The following ASTN2 variants were observed in gnomAD, a reference collection of about 807,000 sequenced individuals.
ASTN2 encodes astrotactin-2.
ASTN2 carries 54 observed loss-of-function variants against 139.8 expected under a neutral mutation model. The observed-to-expected ratio is 0.39, with a 90% CI of 0.31 to 0.48. The LOEUF (loss-of-function observed/expected upper bound fraction) is 0.48, where lower values mean the gene tolerates loss of function less well. ASTN2 is among the 20% of genes least tolerant of loss of function. The pLI, the probability that ASTN2 is intolerant of heterozygous loss-of-function variation, is 0.95. For synonymous variants in ASTN2, 756 were observed against 719.5 expected, an observed-to-expected ratio of 1.05 and a Z score of -0.81; for missense variants, 1,565 against 1,725.1, an observed-to-expected ratio of 0.91 and a Z score of 1.64.
chr9:116,671,492 G>A, intron 16 of ASTN2, among the ~76,000 whole-genome samples: 1 of 151,978 alleles, frequency 6.6e-6, no homozygotes, highest in African/African-American at 2.4e-5. Context: ...AAGAAAAAGG[G>A]ATGAAGAGAG....
chr9:116,801,585 C>CAAAA (rs397893932), intron 13 of ASTN2, among the ~76,000 whole-genome samples: 431 of 60,336 alleles, frequency 7.1e-3, no homozygotes, highest in Non-Finnish European at 9.3e-3. Context: ...GGCTCTGTCT[C>CAAAA]AAAAAAAAAA....
chr9:116,901,441 T>G (rs1427215876), intron 10 of ASTN2, among the ~76,000 whole-genome samples: 2 of 152,098 alleles, frequency 1.3e-5, no homozygotes, highest in Non-Finnish European at 2.9e-5. Flanking sequence ...TGCCTGAGTT[T>G]AAGAGGTTGA....
chr9:116,937,245 C>A (rs1835106698), intron 10 of ASTN2, among the ~76,000 whole-genome samples: 1 of 152,154 alleles, frequency 6.6e-6, no homozygotes, highest in South Asian at 2.1e-4. Flanking sequence ...ATCTAAGAGG[C>A]TCTTCATGGT....
At chr9:117,052,072 T>TAAA (rs1439434954) in intron 5 of ASTN2, among the ~76,000 whole-genome samples, 4 of 152,136 alleles carry the variant, frequency 2.6e-5, no homozygotes, top group African/African-American at 9.7e-5. Context: ...TGTCATGCTT[T>TAAA]GGTTGACCTT....
intron 6 of ASTN2, among the ~76,000 whole-genome samples, chr9:117,034,489 C>G (rs971782722): frequency 6.6e-6 from 1 of 152,086 alleles, no homozygotes; most frequent in Non-Finnish European, 1.5e-5. Context: ...TGGAGGAAAC[C>G]AAAGACCCTT....
At chr9:116,964,552 A>G (rs1288688956) in intron 10 of ASTN2, among the ~76,000 whole-genome samples, 2 of 152,186 alleles carry the variant, frequency 1.3e-5, no homozygotes, top group Non-Finnish European at 2.9e-5. Context: ...GGTAGATTCC[A>G]TCACTCAGGA....
intron 1 of ASTN2, among the ~76,000 whole-genome samples, chr9:117,385,474 A>C (rs1395477549): frequency 6.6e-6 from 1 of 152,162 alleles, no homozygotes; most frequent in African/African-American, 2.4e-5. Flanking sequence ...GGGGAGGGGA[A>C]GGCTAGGTGG....
intron 1 of ASTN2, among the ~76,000 whole-genome samples, chr9:117,330,148 G>A (rs1313410643): frequency 6.6e-6 from 1 of 152,152 alleles, no homozygotes; most frequent in Non-Finnish European, 1.5e-5. Context: ...GGGCTGGAGT[G>A]CCTGAAGAAG....
At chr9:116,728,293 A>G (rs7028544) in intron 15 of ASTN2, among the ~76,000 whole-genome samples, 50,212 of 152,030 alleles carry the variant, frequency 0.33, 9,244 homozygotes, top group East Asian at 0.5. Context: ...ATGTCTTGAT[A>G]TAGATATTTA....
chr9:116,630,145 T>G (rs73528746), intron 17 of ASTN2, among the ~76,000 whole-genome samples: 4,467 of 152,290 alleles, frequency 0.029, 204 homozygotes, highest in African/African-American at 0.1. Flanking sequence ...AGCAACACCA[T>G]GAATTTGATA....
At chr9:116,986,495 T>C (rs538085200) in intron 7 of ASTN2, among the ~76,000 whole-genome samples, 3 of 152,198 alleles carry the variant, frequency 2.0e-5, no homozygotes, top group African/African-American at 7.2e-5. Context: ...GCAGGAGGTA[T>C]AGGAGCCTGA....
At chr9:117,220,308 G>C (rs73535204) in intron 2 of ASTN2, among the ~76,000 whole-genome samples, 26,318 of 151,804 alleles carry the variant, frequency 0.17, 2,603 homozygotes, top group South Asian at 0.27. Flanking sequence ...CTCCCCACAA[G>C]CCTCACCTGT....
chr9:117,383,551 G>A (rs1210746401), intron 1 of ASTN2, among the ~76,000 whole-genome samples: 1 of 152,046 alleles, frequency 6.6e-6, no homozygotes, highest in African/African-American at 2.4e-5. Context: ...CTGGGGGTGG[G>A]GAGAATGGCT....
chr9:116,496,852 A>T (rs1357895344), intron 19 of ASTN2, among the ~76,000 whole-genome samples: 1 of 152,154 alleles, frequency 6.6e-6, no homozygotes, highest in African/African-American at 2.4e-5. Flanking sequence ...AAACCATCAG[A>T]TCTCCTGAGA....
chr9:117,363,670 G>C (rs1829755042), intron 1 of ASTN2, among the ~76,000 whole-genome samples: 1 of 152,152 alleles, frequency 6.6e-6, no homozygotes, highest in African/African-American at 2.4e-5. Flanking sequence ...TAAAAGTATG[G>C]GTAGGATTTG....
chr9:117,226,496 T>G (rs1387521733), intron 2 of ASTN2, among the ~76,000 whole-genome samples: 2 of 152,184 alleles, frequency 1.3e-5, no homozygotes, highest in Non-Finnish European at 2.9e-5. Flanking sequence ...AAAAACATAT[T>G]GAGAAAGAAA....
chr9:116,454,201 A>C (rs1336984739), intron 20 of ASTN2, among the ~76,000 whole-genome samples: 1 of 152,226 alleles, frequency 6.6e-6, no homozygotes, highest in Non-Finnish European at 1.5e-5. Context: ...GATGAAATCC[A>C]ATATCCCTTA....
intron 16 of ASTN2, among the ~76,000 whole-genome samples, chr9:116,724,213 C>T (rs1338767638): frequency 6.6e-6 from 1 of 152,142 alleles, no homozygotes; most frequent in African/African-American, 2.4e-5. Flanking sequence ...AGCTTATTGC[C>T]CTGCTTAATG....
chr9:116,663,939 T>C (rs1327885556), intron 16 of ASTN2, among the ~76,000 whole-genome samples: 1 of 152,138 alleles, frequency 6.6e-6, no homozygotes, highest in East Asian at 1.9e-4. Context: ...TCTTCCACAA[T>C]ATTAGGCTGC....
Sources: gnomAD v4.1 joint callset for allele counts (sites outside exome capture counted in the v4.1 genomes callset) on GRCh38, gnomAD v4.1.1 for gene constraint, MANE v1.5 for transcripts, NCBI Gene and HGNC (gene_info 2026-07-23, HGNC 2026-07-21) for gene names.